Variants in TANGO2 observed in about 807,000 individuals in gnomAD.
TANGO2 encodes transport and Golgi organization protein 2 homolog.
In TANGO2, 26 loss-of-function variants were observed where a neutral mutation model predicts 39.1. The observed-to-expected ratio is 0.67, with a 90% CI of 0.49 to 0.92. TANGO2 has a LOEUF of 0.92. Ranked by LOEUF, TANGO2 falls within the 40% of genes least tolerant of loss-of-function variation. The pLI is 0.00. For synonymous variants in TANGO2, 131 were observed against 144.5 expected, an observed-to-expected ratio of 0.91 and a Z score of 0.67; for missense variants, 326 against 360.1, an observed-to-expected ratio of 0.91 and a Z score of 0.77.
At chr22:20,043,261 G>A (rs2044326852) in intron 2 of TANGO2, 94 bp from the exon 3 acceptor site, 7 of 890,158 alleles carry the variant, frequency 7.9e-6, no homozygotes, top group Non-Finnish European at 1.3e-5. Flanking sequence ...ACTGGCCCTT[G>A]TTGCCACTGA....
At chr22:20,049,791 C>T (rs1405617758) in intron 3 of TANGO2, among the ~76,000 whole-genome samples, 3 of 151,930 alleles carry the variant, frequency 2.0e-5, no homozygotes, top group South Asian at 2.1e-4. Flanking sequence ...TGCTATAAAA[C>T]GAAAAGCCCC....
At chr22:20,032,698 C>T (rs1601913440) in intron 1 of TANGO2, among the ~76,000 whole-genome samples, 1 of 152,202 alleles carries the variant, frequency 6.6e-6, no homozygotes, top group Admixed American at 6.5e-5. Flanking sequence ...CCCTGGGACA[C>T]CAACCCTCCT....
chr22:20,044,743 C>T (rs186112046), intron 3 of TANGO2, among the ~76,000 whole-genome samples: 101 of 152,170 alleles, frequency 6.6e-4, no homozygotes, highest in African/African-American at 1.3e-3. Flanking sequence ...CTGGTCAGGA[C>T]GGGTGGGTGA....
At chr22:20,019,484 C>G (rs976782473), upstream of TANGO2, among the ~76,000 whole-genome samples, 4 of 152,236 alleles carry the variant, frequency 2.6e-5, no homozygotes, top group Admixed American at 1.3e-4. Context: ...ATCAGAGTGT[C>G]TGCTCTGGCT....
At chr22:20,022,912 G>A (rs1029105052) in intron 1 of TANGO2, among the ~76,000 whole-genome samples, 3 of 152,236 alleles carry the variant, frequency 2.0e-5, no homozygotes, top group Admixed American at 6.5e-5. Context: ...CTTTGGTGAC[G>A]TGTCAGTCAG....
chr22:20,054,538 C>T (rs1485281951), intron 5 of TANGO2: 2 of 151,832 alleles, frequency 1.3e-5, no homozygotes, highest in Non-Finnish European at 2.9e-5. Context: ...TACACGGGCT[C>T]CTGTGGTTGG....
In TANGO2 at chr22:20,064,826, A is replaced by T; in HGVS notation, c.*164A>T. 1 of 878,384 alleles carries T rather than the reference A, an allele frequency of 1.1e-6. No homozygotes were observed. Among genetic ancestry groups the T allele is most frequent in the Non-Finnish European group, 1.7e-6 (1 of 591,052 alleles). 54.4% of individuals were successfully genotyped at this position (878,384 alleles called of 1,614,324 possible). A position where few individuals can be genotyped will look rare whatever the true frequency, so the allele number is the denominator to read the frequency against. The stretch of plus-strand genomic sequence containing the variant: ...TTGCGTGTTACCCATCTGTGTCCCC[A>T]TGCCCAGTTCAGGGTCTGCCTTTAT... On this transcript the variant is annotated 3_prime_UTR_variant, in exon 9 of 9. Transcript: ENST00000327374.
chr22:20,044,526 A>G (rs895925605), intron 3 of TANGO2, among the ~76,000 whole-genome samples: 10 of 149,062 alleles, frequency 6.7e-5, no homozygotes, highest in African/African-American at 2.6e-4. Context: ...ACCCTGTCTC[A>G]TTCAATCAGT....
At chr22:20,047,302 C>T (rs1277695369) in intron 3 of TANGO2, among the ~76,000 whole-genome samples, 4 of 149,228 alleles carry the variant, frequency 2.7e-5, no homozygotes, top group African/African-American at 7.4e-5. Context: ...GGCACGATCT[C>T]GGCTCACCAC....
intron 6 of TANGO2, chr22:20,056,881 C>T (rs1177304063): frequency 1.1e-5 from 5 of 456,666 alleles, no homozygotes; most frequent in South Asian, 1.5e-5. Context: ...GTGCCTTAAA[C>T]GCCCGCTCTG....
At chr22:20,033,962 T>C (rs1427166006) in intron 1 of TANGO2, among the ~76,000 whole-genome samples, 1 of 152,222 alleles carries the variant, frequency 6.6e-6, no homozygotes, top group Non-Finnish European at 1.5e-5. Context: ...TCCTAACACT[T>C]TGGGAGGCCG....
intron 7 of TANGO2, 106 bp downstream of exon 7, chr22:20,061,789 G>T: frequency 4.4e-6 from 6 of 1,377,218 alleles, no homozygotes; most frequent in Non-Finnish European, 5.8e-6. Context: ...GGCCAGGCTG[G>T]GTCCCCAGCT....
At chr22:20,026,670 G>A (rs1319791073) in intron 1 of TANGO2, among the ~76,000 whole-genome samples, 12 of 152,262 alleles carry the variant, frequency 7.9e-5, no homozygotes, top group Non-Finnish European at 1.8e-4. Context: ...ACGGGTCAGT[G>A]AGACAAAGGC....
intron 6 of TANGO2, among the ~76,000 whole-genome samples, chr22:20,059,855 AC>A (rs1270412290): frequency 6.6e-6 from 1 of 150,830 alleles, no homozygotes; most frequent in Non-Finnish European, 1.5e-5. Flanking sequence ...TATCTAAGAA[AC>A]CATTGCCTAA....
chr22:20,018,680 G>C (rs1181258150), upstream of TANGO2, among the ~76,000 whole-genome samples: 2 of 152,186 alleles, frequency 1.3e-5, no homozygotes, highest in African/African-American at 2.4e-5. Flanking sequence ...TCGGCAGGCA[G>C]GATCATTAGC....
chr22:20,018,182 C>T (rs1945337187), upstream of TANGO2, among the ~76,000 whole-genome samples: 1 of 152,266 alleles, frequency 6.6e-6, no homozygotes, highest in South Asian at 2.1e-4. Flanking sequence ...TCGATCCCAG[C>T]TGCCTTTCAG....
Position 20,056,318 on chromosome 22 carries a change from G to A in TANGO2, c.451+305G>A, listed in dbSNP as rs1324053018. 5.0e-6 allele frequency: 3 copies of A among 601,954 alleles called. No individual in the cohort carries two copies. In the Admixed American group the frequency reaches 6.4e-5, roughly 13 times the overall value. 37.3% of individuals were successfully genotyped at this position (601,954 alleles called of 1,614,324 possible). On this transcript the variant is annotated intron_variant, in intron 6 of 8. Coordinates refer to ENST00000327374, the MANE Select transcript of TANGO2 (RefSeq NM_152906.7). Reference sequence around the variant, plus strand: ...CAGCCTCACTTCCTGTGCCGTCCCAGTGTGCCCTGTGCCTGTTCCTTCTCA... The same window carrying A: ...CAGCCTCACTTCCTGTGCCGTCCCAATGTGCCCTGTGCCTGTTCCTTCTCA...
chr22:20,034,647 G>A (rs780467983), intron 1 of TANGO2, among the ~76,000 whole-genome samples: 3 of 152,110 alleles, frequency 2.0e-5, no homozygotes, highest in Non-Finnish European at 2.9e-5. Context: ...GGGTGGCTGC[G>A]GCTGTAGTTC....
At chr22:20,052,608 A>C in intron 4 of TANGO2, 24 bp downstream of exon 4, 2 of 1,100,486 alleles carry the variant, frequency 1.8e-6, no homozygotes, top group Non-Finnish European at 2.5e-6. Context: ...GGTGGGGCCA[A>C]GGTGAGACAG....
Sources: gnomAD v4.1 joint callset for allele counts (sites outside exome capture counted in the v4.1 genomes callset) on GRCh38, gnomAD v4.1.1 for gene constraint, MANE v1.5 for transcripts, NCBI Gene and HGNC (gene_info 2026-07-23, HGNC 2026-07-21) for gene names.